Variants in LHPP observed in about 807,000 individuals in gnomAD.
The protein encoded by LHPP is hLHPP.
Under a neutral mutation model 30.3 loss-of-function variants are expected in LHPP, and 24 were observed. The observed-to-expected ratio is 0.79, with a 90% CI of 0.57 to 1.11. The LOEUF (loss-of-function observed/expected upper bound fraction) is 1.11. LHPP is among the 50% of genes most tolerant of loss of function. The probability of loss-of-function intolerance (pLI) is 0.00; values close to 1 mark genes in which losing one functional copy is unlikely to be tolerated. For missense variants in LHPP, 356 were observed against 367.2 expected, an observed-to-expected ratio of 0.97 and a Z score of 0.25; for synonymous variants, 150 against 157.1, an observed-to-expected ratio of 0.95 and a Z score of 0.34.
intron 6 of LHPP, among the ~76,000 whole-genome samples, chr10:124,584,642 A>G (rs1054144484): frequency 6.6e-6 from 1 of 152,200 alleles, no homozygotes; most frequent in African/African-American, 2.4e-5. Flanking sequence ...CCACCTCGAA[A>G]TACTATCACG....
At chr10:124,549,333 T>C (rs1955424434) in intron 6 of LHPP, among the ~76,000 whole-genome samples, 1 of 151,848 alleles carries the variant, frequency 6.6e-6, no homozygotes, top group African/African-American at 2.4e-5. Context: ...CTCGGGAGGC[T>C]GAGGCAGGAG....
chr10:124,547,014 T>C (rs1955364363), intron 6 of LHPP, among the ~76,000 whole-genome samples: 1 of 117,762 alleles, frequency 8.5e-6, no homozygotes, highest in Admixed American at 1.0e-4. Flanking sequence ...TTCAGGCTTC[T>C]TTTTCTGCAC....
chr10:124,468,985 G>A (rs928340114), intron 1 of LHPP, among the ~76,000 whole-genome samples: 5 of 152,174 alleles, frequency 3.3e-5, no homozygotes, highest in African/African-American at 4.8e-5. Context: ...TGTTTTCCTC[G>A]CCTGGTGATT....
chr10:124,543,102 AG>A (rs1303722628), intron 6 of LHPP, among the ~76,000 whole-genome samples: 5 of 152,164 alleles, frequency 3.3e-5, no homozygotes, highest in African/African-American at 1.2e-4. Flanking sequence ...TGTACCTGTC[AG>A]GGGGCTGGAT....
intron 6 of LHPP, among the ~76,000 whole-genome samples, chr10:124,553,212 GC>G (rs34987434): frequency 0.14 from 21,071 of 152,248 alleles, 1,933 homozygotes; most frequent in Non-Finnish European, 0.2. Flanking sequence ...CCAGAACACG[GC>G]TGATTTTCTG....
intron 6 of LHPP, among the ~76,000 whole-genome samples, chr10:124,556,543 A>C (rs1948303450): frequency 6.6e-6 from 1 of 152,198 alleles, no homozygotes; most frequent in African/African-American, 2.4e-5. Context: ...AACTTCTCAC[A>C]CATGGAATTG....
intron 1 of LHPP, among the ~76,000 whole-genome samples, chr10:124,483,625 C>T (rs911156615): frequency 3.9e-5 from 6 of 152,142 alleles, no homozygotes; most frequent in African/African-American, 1.2e-4. Flanking sequence ...GGTATGATGG[C>T]AGGCGCCTGT....
chr10:124,519,237 C>T (rs1444197465), intron 6 of LHPP, among the ~76,000 whole-genome samples: 7 of 152,222 alleles, frequency 4.6e-5, no homozygotes, highest in African/African-American at 7.2e-5. Context: ...CGTGAGCCAC[C>T]GCGCCCGGCC....
At chr10:124,536,806 C>T (rs1955040014) in intron 6 of LHPP, among the ~76,000 whole-genome samples, 1 of 152,144 alleles carries the variant, frequency 6.6e-6, no homozygotes. Flanking sequence ...CCTAGGGAAC[C>T]AGACAGATCG....
intron 6 of LHPP, among the ~76,000 whole-genome samples, chr10:124,598,536 G>A (rs731622): frequency 0.2 from 30,989 of 152,162 alleles, 3,552 homozygotes; most frequent in East Asian, 0.27. Context: ...ATCTCCTGAG[G>A]TGGGGCCTGC....
intron 6 of LHPP, among the ~76,000 whole-genome samples, chr10:124,606,483 A>G (rs1242144121): frequency 1.2e-5 from 1 of 85,234 alleles, no homozygotes; most frequent in African/African-American, 4.5e-5. Context: ...CAGATGGTGG[A>G]GGTGGGAGGG....
chr10:124,526,809 C>T (rs1008757794), intron 6 of LHPP, among the ~76,000 whole-genome samples: 25 of 152,292 alleles, frequency 1.6e-4, no homozygotes, highest in African/African-American at 5.3e-4. Flanking sequence ...GGTTAAAGTC[C>T]GCTGAACCCA....
chr10:124,515,159 A>G (rs1231874333), intron 5 of LHPP, among the ~76,000 whole-genome samples: 1 of 152,214 alleles, frequency 6.6e-6, no homozygotes, highest in Admixed American at 6.5e-5. Flanking sequence ...AAGTTGTGCC[A>G]TAGCTCACTG....
At chr10:124,582,822 T>C (rs563318272) in intron 6 of LHPP, among the ~76,000 whole-genome samples, 65 of 150,634 alleles carry the variant, frequency 4.3e-4, no homozygotes, top group Middle Eastern at 3.4e-3. Flanking sequence ...CTGGGCAACA[T>C]GGTGAAACCT....
intron 6 of LHPP, among the ~76,000 whole-genome samples, chr10:124,536,428 G>T (rs1955030380): frequency 6.6e-6 from 1 of 152,228 alleles, no homozygotes; most frequent in African/African-American, 2.4e-5. Context: ...CTGGATGGAA[G>T]CTCCCCGGCT....
At chr10:124,513,803 AG>A (rs1374808840) in intron 5 of LHPP, among the ~76,000 whole-genome samples, 1 of 150,942 alleles carries the variant, frequency 6.6e-6, no homozygotes, top group South Asian at 2.1e-4. Context: ...AAAAAAAAAA[AG>A]AGCATGAGTC....
intron 5 of LHPP, among the ~76,000 whole-genome samples, chr10:124,505,608 A>G (rs1451038150): frequency 6.6e-6 from 1 of 152,252 alleles, no homozygotes; most frequent in Non-Finnish European, 1.5e-5. Flanking sequence ...GGCCCTTTCT[A>G]GGATTCAGTA....
In LHPP at chr10:124,517,287, A is replaced by G; in HGVS notation, c.716+16A>G. 1 of 1,534,276 alleles carries G rather than the reference A, an allele frequency of 6.5e-7. No homozygotes were observed. The highest frequency in any genetic ancestry group is 8.8e-7 in the Non-Finnish European group (1 of 1,131,170). On this transcript the variant is annotated intron_variant, in intron 6 of 6. Transcript: ENST00000368842. The surrounding 1 kb of genome is among the most constrained non-coding windows in gnomAD (Gnocchi z 4.1). ...GGAAGTTCAGGTCAGTGCCAGCTGGAGTCATTTATTCACCTTCCTTCCAGG... is the reference window on the plus strand; with the variant it reads ...GGAAGTTCAGGTCAGTGCCAGCTGGGGTCATTTATTCACCTTCCTTCCAGG...
chr10:124,529,815 A>ACG (rs1954844988), intron 6 of LHPP, among the ~76,000 whole-genome samples: 2 of 146,240 alleles, frequency 1.4e-5, no homozygotes, highest in Non-Finnish European at 1.5e-5. Context: ...ACACACACGC[A>ACG]CACACACACA....
Sources: gnomAD v4.1 joint callset for allele counts (sites outside exome capture counted in the v4.1 genomes callset) on GRCh38, gnomAD v4.1.1 for gene constraint, Gnocchi (gnomAD v3.1) non-coding constraint, MANE v1.5 for transcripts, NCBI Gene and HGNC (gene_info 2026-07-23, HGNC 2026-07-21) for gene names.